The following CAST variants were observed in gnomAD, a reference collection of about 807,000 sequenced individuals.
The protein encoded by CAST is calpastatin.
CAST carries 76 observed loss-of-function variants against 119.6 expected under a neutral mutation model. That is an observed-to-expected ratio of 0.64 (90% CI 0.53 to 0.77). The LOEUF (loss-of-function observed/expected upper bound fraction) is 0.77, where lower values mean the gene tolerates loss of function less well. Ranked by LOEUF, CAST falls within the 30% of genes least tolerant of loss-of-function variation. The pLI is 0.00. For synonymous variants in CAST, 319 were observed against 331.6 expected (o/e 0.96, Z 0.41); for missense variants, 953 against 946.5 (o/e 1.01, Z -0.09).
At chr5:96,324,395 T>C in the CAST span, among the ~76,000 whole-genome samples, 2 of 152,234 alleles carry the variant, frequency 1.3e-5, no homozygotes, top group African/African-American at 4.8e-5. Context: ...AAGCCAGATG[T>C]GACTGCTTAG....
At chr5:96,678,765 T>C (rs1483696106) in intron 2 of CAST, among the ~76,000 whole-genome samples, 1 of 151,938 alleles carries the variant, frequency 6.6e-6, no homozygotes, top group Non-Finnish European at 1.5e-5. Flanking sequence ...GAGAATCACT[T>C]GAACCCGGGA....
chr5:96,533,690 A>T (rs933723217), intron 1 of CAST, among the ~76,000 whole-genome samples: 2 of 152,232 alleles, frequency 1.3e-5, no homozygotes, highest in African/African-American at 4.8e-5. Context: ...GCCACTTTTC[A>T]TTCAGATGGT....
chr5:96,490,111 T>A, the CAST span, among the ~76,000 whole-genome samples: 1 of 152,220 alleles, frequency 6.6e-6, no homozygotes, highest in Admixed American at 6.5e-5. Context: ...CATATAAGTA[T>A]GATCAACAAT....
At chr5:96,384,078 C>T in the CAST span, among the ~76,000 whole-genome samples, 1 of 152,086 alleles carries the variant, frequency 6.6e-6, no homozygotes, top group South Asian at 2.1e-4. Context: ...TGTCCAGGTC[C>T]TAGGCATTTT....
At chr5:96,068,444 T>A in the CAST span, among the ~76,000 whole-genome samples, 2 of 152,048 alleles carry the variant, frequency 1.3e-5, no homozygotes, top group Non-Finnish European at 2.9e-5. Context: ...CTGCCTCACA[T>A]TTTTCAACTT....
the CAST span, among the ~76,000 whole-genome samples, chr5:96,023,787 G>A: frequency 6.6e-6 from 1 of 151,592 alleles, no homozygotes; most frequent in African/African-American, 2.4e-5. Flanking sequence ...TTAAATAAGA[G>A]GAGTAGGAAT....
chr5:96,496,864 T>A, the CAST span, among the ~76,000 whole-genome samples: 6 of 151,402 alleles, frequency 4.0e-5, no homozygotes, highest in Admixed American at 3.9e-4. Context: ...TAGTGCTGTA[T>A]TTTTTTTTAT....
chr5:96,100,566 A>G, the CAST span, among the ~76,000 whole-genome samples: 2 of 152,276 alleles, frequency 1.3e-5, no homozygotes, highest in South Asian at 4.1e-4. Flanking sequence ...TAAACTGCCT[A>G]GGTTGGAAGC....
At chr5:96,294,503 T>G in the CAST span, among the ~76,000 whole-genome samples, 1 of 152,232 alleles carries the variant, frequency 6.6e-6, no homozygotes, top group Non-Finnish European at 1.5e-5. Context: ...GTTGATTTGC[T>G]TTTCTCTGTC....
Position 96,750,630 on chromosome 5 carries a change from G to C in CAST, c.1472G>C (p.Cys491Ser), listed in dbSNP as rs754615. The change falls in exon 20 of 32, where the codon TGT becomes TCT. Residue 491 changes from cysteine (C) to serine (S), a missense_variant. Physicochemically the swap from Cys to Ser is moderately radical, Grantham distance 112. Coordinates refer to ENST00000675179, the MANE Select transcript of CAST (RefSeq NM_001750.7). The stretch of plus-strand genomic sequence containing the variant: ...CCAGCTCCTGTGTCGGAGGCTGTGT[G>C]TCGGACCTCCATGTGTAGTATACAG... The part of the protein sequence containing the change: ...AAPAPVSEAV[C>S]RTSMCSIQSA... 0.37 allele frequency: 599,624 copies of C among 1,610,838 alleles called. 115,058 individuals carry two copies. Among genetic ancestry groups the C allele is most frequent in the Middle Eastern group, 0.44 (2,645 of 6,048 alleles).
At chr5:96,296,247 C>G in the CAST span, among the ~76,000 whole-genome samples, 2 of 152,142 alleles carry the variant, frequency 1.3e-5, no homozygotes, top group African/African-American at 4.8e-5. Context: ...TCTTTTATTT[C>G]TCTACATCAT....
At chr5:96,189,330 C>T in the CAST span, among the ~76,000 whole-genome samples, 1 of 152,114 alleles carries the variant, frequency 6.6e-6, no homozygotes, top group Non-Finnish European at 1.5e-5. Flanking sequence ...AATTATTTTG[C>T]TTGTCCTCAG....
At chr5:96,666,463 G>C (rs1372583338) in intron 1 of CAST, among the ~76,000 whole-genome samples, 3 of 152,228 alleles carry the variant, frequency 2.0e-5, no homozygotes, top group Non-Finnish European at 4.4e-5. Flanking sequence ...GTGACAGCAT[G>C]ATCAAGGAGC....
chr5:96,128,914 G>A, the CAST span, among the ~76,000 whole-genome samples: 5 of 152,076 alleles, frequency 3.3e-5, no homozygotes, highest in South Asian at 4.1e-4. Flanking sequence ...GACTTCACTT[G>A]AAAAGCTGTG....
chr5:96,278,713 T>G, the CAST span: 1 of 152,200 alleles, frequency 6.6e-6, no homozygotes, highest in East Asian at 1.9e-4. Flanking sequence ...TTACACCTCT[T>G]GAGTCCTGCA....
chr5:96,433,697 G>T, the CAST span, among the ~76,000 whole-genome samples: 1 of 152,156 alleles, frequency 6.6e-6, no homozygotes, highest in South Asian at 2.1e-4. Flanking sequence ...AAAGAGAGAG[G>T]CTAGGAGAGT....
the CAST span, among the ~76,000 whole-genome samples, chr5:96,371,029 G>T: frequency 2.0e-5 from 3 of 152,118 alleles, no homozygotes; most frequent in Non-Finnish European, 2.9e-5. Context: ...TTAGCAGATG[G>T]TAGTCTACAT....
chr5:96,481,337 A>T, the CAST span, among the ~76,000 whole-genome samples: 1 of 152,184 alleles, frequency 6.6e-6, no homozygotes, highest in Admixed American at 6.6e-5. Flanking sequence ...TAGATCCTTT[A>T]AACACAGTTT....
the CAST span, among the ~76,000 whole-genome samples, chr5:96,099,037 A>G: frequency 2.0e-4 from 30 of 151,906 alleles, no homozygotes; most frequent in Non-Finnish European, 4.1e-4. Context: ...GAGATCTTTC[A>G]CCTCCCTAGT....
Sources: gnomAD v4.1 joint callset for allele counts (sites outside exome capture counted in the v4.1 genomes callset) on GRCh38, gnomAD v4.1.1 for gene constraint, MANE v1.5 for transcripts, NCBI Gene and HGNC (gene_info 2026-07-23, HGNC 2026-07-21) for gene names.